MRAP2: variants seen among roughly 807,000 people sequenced by gnomAD.
The protein encoded by MRAP2 is melanocortin-2 receptor accessory protein 2.
MRAP2 carries 20 observed loss-of-function variants against 17.4 expected under a neutral mutation model. The ratio of observed to expected loss-of-function variants is 1.15; its 90% CI spans 0.81 to 1.67. The LOEUF is 1.67. Among genes scored for constraint, MRAP2 ranks in the 40% most tolerant of loss-of-function variants. MRAP2 has a pLI of 0.00. For missense variants in MRAP2, 238 were observed against 240.0 expected (o/e 0.99, Z 0.05); for synonymous variants, 96 against 88.4 (o/e 1.09, Z -0.48).
chr6:84,120,554 G>A, the MRAP2 span, among the ~76,000 whole-genome samples: 8 of 152,128 alleles, frequency 5.3e-5, no homozygotes, highest in Non-Finnish European at 1.0e-4. Flanking sequence ...AGCTTTTAGA[G>A]TACTTATGGA....
At chr6:84,119,093 A>G in the MRAP2 span, among the ~76,000 whole-genome samples, 1 of 152,226 alleles carries the variant, frequency 6.6e-6, no homozygotes, top group East Asian at 1.9e-4. Context: ...CTTTTGTAGT[A>G]TATTTTGATG....
chr6:84,123,560 A>G, the MRAP2 span, among the ~76,000 whole-genome samples: 6 of 152,100 alleles, frequency 3.9e-5, no homozygotes, highest in African/African-American at 1.2e-4. Context: ...ACCTCTCATC[A>G]TATACAAAAA....
chr6:84,129,452 T>C, the MRAP2 span, among the ~76,000 whole-genome samples: 13,201 of 152,286 alleles, frequency 0.087, 1,472 homozygotes, highest in African/African-American at 0.26. Flanking sequence ...ATGAGCTTTT[T>C]TTCATATGTT....
At chr6:84,121,965 C>CA in the MRAP2 span, among the ~76,000 whole-genome samples, 1 of 151,454 alleles carries the variant, frequency 6.6e-6, no homozygotes, top group Non-Finnish European at 1.5e-5. Flanking sequence ...TAAATGAGAC[C>CA]AAAAAATGAG....
At chr6:84,081,010 T>C (rs1022218124) in intron 3 of MRAP2, among the ~76,000 whole-genome samples, 7 of 152,184 alleles carry the variant, frequency 4.6e-5, no homozygotes, top group Non-Finnish European at 5.9e-5. Flanking sequence ...ATAGATAATA[T>C]AGAGCAATTT....
At chr6:84,035,354 A>G (rs2099485699) in intron 1 of MRAP2, 1 of 898,142 alleles carries the variant, frequency 1.1e-6, no homozygotes. Flanking sequence ...AAGATAGCTC[A>G]AAACTACCTA....
chr6:84,134,409 CAGCT>C, the MRAP2 span, among the ~76,000 whole-genome samples: 4 of 152,204 alleles, frequency 2.6e-5, no homozygotes, highest in Admixed American at 6.5e-5. Context: ...AAAACTCCTG[CAGCT>C]AGCTCAGTGT....
chr6:84,060,770 C>T (rs1168203172), intron 2 of MRAP2, among the ~76,000 whole-genome samples: 3 of 151,598 alleles, frequency 2.0e-5, no homozygotes, highest in Non-Finnish European at 2.9e-5. Flanking sequence ...ACTGCAAGCT[C>T]CACCTGCCGG....
chr6:84,094,220 T>C (rs1251653037), downstream of MRAP2, among the ~76,000 whole-genome samples: 2 of 152,192 alleles, frequency 1.3e-5, no homozygotes, highest in Non-Finnish European at 2.9e-5. Context: ...TTTAATACTC[T>C]TTTTGTTTCT....
the MRAP2 span, chr6:84,125,118 C>T: frequency 6.2e-7 from 1 of 1,613,356 alleles, no homozygotes; most frequent in Non-Finnish European, 8.5e-7. Flanking sequence ...CTGGCACAAC[C>T]ACTCCTTGCC....
chr6:84,037,158 G>T (rs2099486282), intron 1 of MRAP2, among the ~76,000 whole-genome samples: 1 of 148,520 alleles, frequency 6.7e-6, no homozygotes, highest in African/African-American at 2.6e-5. Flanking sequence ...CAAACCTTGA[G>T]CTAGACACAG....
the MRAP2 span, among the ~76,000 whole-genome samples, chr6:84,108,704 TTC>T: frequency 6.6e-6 from 1 of 152,204 alleles, no homozygotes; most frequent in Non-Finnish European, 1.5e-5. Context: ...CAAATTTTGT[TTC>T]TGTTTCAAGT....
chr6:84,053,975 G>T (rs1213087808), intron 1 of MRAP2, among the ~76,000 whole-genome samples: 1 of 152,064 alleles, frequency 6.6e-6, no homozygotes, highest in South Asian at 2.1e-4. Flanking sequence ...CAGAAGTGGG[G>T]TGGAAGGGTG....
At chr6:84,045,231 C>CGCTGGACAT in intron 1 of MRAP2, 6 of 985,286 alleles carry the variant, frequency 6.1e-6, no homozygotes, top group Non-Finnish European at 7.2e-6. Flanking sequence ...ATGATAGTGA[C>CGCTGGACAT]GCTGGACATG....
chr6:84,044,206 G>C lies in MRAP2; in HGVS notation c.-8+10323G>C, dbSNP rs12664126. On this transcript the variant is annotated intron_variant, in intron 1 of 3. Transcript: ENST00000257776. ...TTTATTTTCTGTTTTCTTTTTTTGA[G>C]ACAGAGTTTCGCTCTTGTTGCCCAG... Among the ~76,000 whole-genome samples, 772 of 152,172 alleles carry C rather than the reference G, an allele frequency of 5.1e-3. 50 individuals are homozygous for C. In the East Asian group the frequency reaches 0.12, roughly 24 times the overall value.
At chr6:84,047,148 G>T (rs542626876) in intron 1 of MRAP2, among the ~76,000 whole-genome samples, 4 of 151,848 alleles carry the variant, frequency 2.6e-5, no homozygotes, top group Middle Eastern at 3.4e-3. Flanking sequence ...TGGAAGCACT[G>T]CTTATTATTA....
the MRAP2 span, among the ~76,000 whole-genome samples, chr6:84,096,270 G>C: frequency 6.6e-6 from 1 of 152,184 alleles, no homozygotes. Flanking sequence ...GGTTATGGAT[G>C]GCTTTTAAAA....
intron 1 of MRAP2, among the ~76,000 whole-genome samples, chr6:84,046,212 T>G (rs960324260): frequency 3.3e-5 from 5 of 152,164 alleles, no homozygotes; most frequent in Non-Finnish European, 5.9e-5. Flanking sequence ...ATAATAGTTG[T>G]TTTTTTAAAA....
intron 1 of MRAP2, among the ~76,000 whole-genome samples, chr6:84,043,726 T>C (rs1327944366): frequency 6.6e-6 from 1 of 152,158 alleles, no homozygotes; most frequent in African/African-American, 2.4e-5. Context: ...TGGCAGAGGA[T>C]AGTTTGAAAT....
Sources: allele counts gnomAD v4.1 joint callset (sites outside exome capture counted in the v4.1 genomes callset), GRCh38; gene constraint gnomAD v4.1.1; transcripts MANE v1.5; gene names NCBI Gene and HGNC (gene_info 2026-07-23, HGNC 2026-07-21).